ZDHHC20: variants seen among roughly 807,000 people sequenced by gnomAD.
ZDHHC20 encodes the protein zDHHC palmitoyltransferase 20.
ZDHHC20 carries 43 observed loss-of-function variants against 57.8 expected under a neutral mutation model. That is an observed-to-expected ratio of 0.74 (90% CI 0.58 to 0.96). The LOEUF (loss-of-function observed/expected upper bound fraction) is 0.96, where lower values mean the gene tolerates loss of function less well. ZDHHC20 is among the 40% of genes least tolerant of loss of function. ZDHHC20 has a pLI of 0.00. For synonymous variants in ZDHHC20, 157 were observed against 153.0 expected (o/e 1.03, Z -0.19); for missense variants, 391 against 441.1 (o/e 0.89, Z 1.02).
intron 7 of ZDHHC20, among the ~76,000 whole-genome samples, chr13:21,393,173 ATTTCT>A (rs1262282278): frequency 1.3e-5 from 2 of 148,598 alleles, no homozygotes; most frequent in Admixed American, 6.7e-5. Context: ...GTTCAAGCAC[ATTTCT>A]TTTCTTTTTT....
At chr13:21,387,834 A>G (rs1485112200) in intron 8 of ZDHHC20, among the ~76,000 whole-genome samples, 200 bp from the exon 9 acceptor site, 2 of 152,244 alleles carry the variant, frequency 1.3e-5, no homozygotes, top group East Asian at 3.8e-4. Flanking sequence ...ATATTTCATC[A>G]ACCTTATAAA....
chr13:21,443,525 T>A (rs1406252444), intron 1 of ZDHHC20, among the ~76,000 whole-genome samples: 1 of 152,212 alleles, frequency 6.6e-6, no homozygotes, highest in South Asian at 2.1e-4. Flanking sequence ...AGCTATGCCA[T>A]AGGCCCAGGT....
Position 21,374,672 on chromosome 13 carries a change from G to A in ZDHHC20, c.*2024C>T. On this transcript the variant is annotated 3_prime_UTR_variant, in exon 13 of 13. Transcript: ENST00000400590. The stretch of plus-strand genomic sequence containing the variant: ...CTAACTCATTCCTTTGGTTCAAAAA[G>A]AAAAAAAGTTGCCTCCTTTTAAAAT... The A allele has an allele frequency of 8.6e-6, 2 of 231,526 alleles. No individual in the cohort carries two copies. The highest frequency in any genetic ancestry group is 1.8e-5 in the Non-Finnish European group (2 of 112,604). 14.3% of individuals were successfully genotyped at this position (231,526 alleles called of 1,614,324 possible). A position where few individuals can be genotyped will look rare whatever the true frequency, so the allele number is the denominator to read the frequency against.
intron 12 of ZDHHC20, chr13:21,377,874 C>A (rs769555618): frequency 6.6e-6 from 1 of 152,502 alleles, no homozygotes; most frequent in South Asian, 2.1e-4. Flanking sequence ...ATGATAAATG[C>A]GATAAGCTCC....
chr13:21,393,594 A>G (rs1312514185), intron 7 of ZDHHC20, among the ~76,000 whole-genome samples: 1 of 149,794 alleles, frequency 6.7e-6, no homozygotes, highest in Non-Finnish European at 1.5e-5. Context: ...AATCCCAGCT[A>G]CTTGGGAGGC....
intron 1 of ZDHHC20, among the ~76,000 whole-genome samples, chr13:21,455,915 A>G (rs1165444384): frequency 6.6e-6 from 1 of 152,186 alleles, no homozygotes; most frequent in Non-Finnish European, 1.5e-5. Context: ...TTAATTGTAT[A>G]GTGGTTAACA....
chr13:21,378,476 G>A (rs533132887), intron 12 of ZDHHC20, among the ~76,000 whole-genome samples, 185 bp downstream of exon 12: 7 of 152,156 alleles, frequency 4.6e-5, no homozygotes, highest in East Asian at 1.9e-4. Flanking sequence ...TAATTACTAA[G>A]ATTATTCTAT....
chr13:21,384,457 C>CAAAAA (rs11358320), intron 9 of ZDHHC20, among the ~76,000 whole-genome samples: 4 of 76,134 alleles, frequency 5.3e-5, no homozygotes, highest in Admixed American at 1.8e-4. Context: ...ACTCTATCTC[C>CAAAAA]AAAAAAAAAA....
At chr13:21,436,141 C>T (rs1326578281) in intron 1 of ZDHHC20, among the ~76,000 whole-genome samples, 8 of 152,154 alleles carry the variant, frequency 5.3e-5, no homozygotes, top group African/African-American at 2.4e-5. Context: ...AAAAGGAATC[C>T]GTGTGATGTG....
intron 10 of ZDHHC20, chr13:21,381,811 T>C (rs1873469162): frequency 1.8e-6 from 1 of 556,572 alleles, no homozygotes; most frequent in Non-Finnish European, 3.3e-6. Context: ...CAGAGGCCAG[T>C]CTGAAATGTT....
At chr13:21,457,082 T>A (rs1884989114) in intron 1 of ZDHHC20, among the ~76,000 whole-genome samples, 1 of 152,218 alleles carries the variant, frequency 6.6e-6, no homozygotes, top group African/African-American at 2.4e-5. Flanking sequence ...AAATGTCCCC[T>A]CTATGCCCAC....
chr13:21,399,673 C>G (rs913394550), intron 7 of ZDHHC20, among the ~76,000 whole-genome samples: 2 of 152,020 alleles, frequency 1.3e-5, no homozygotes, highest in Non-Finnish European at 2.9e-5. Flanking sequence ...CAGAGGCAAC[C>G]AGTTAAGAAT....
chr13:21,429,762 C>T (rs1881701742), intron 1 of ZDHHC20, among the ~76,000 whole-genome samples: 1 of 152,176 alleles, frequency 6.6e-6, no homozygotes, highest in African/African-American at 2.4e-5. Flanking sequence ...CCACAAGTCC[C>T]TGATGATTTG....
chr13:21,385,878 A>G (rs965702476), intron 9 of ZDHHC20, among the ~76,000 whole-genome samples: 7 of 152,246 alleles, frequency 4.6e-5, no homozygotes, highest in African/African-American at 1.7e-4. Context: ...ATAGTAATTT[A>G]CAAACAATGA....
At chr13:21,405,726 A>C (rs1878347436) in intron 4 of ZDHHC20, among the ~76,000 whole-genome samples, 1 of 152,242 alleles carries the variant, frequency 6.6e-6, no homozygotes, top group African/African-American at 2.4e-5. Flanking sequence ...ACTATCGCTT[A>C]AAATTATTTA....
intron 7 of ZDHHC20, among the ~76,000 whole-genome samples, chr13:21,393,908 AAAAC>A (rs899944570): frequency 6.6e-6 from 1 of 152,094 alleles, no homozygotes; most frequent in Admixed American, 6.6e-5. Context: ...GCCAATATTG[AAAAC>A]AAACAAACAA....
chr13:21,442,523 G>A (rs909141414), intron 1 of ZDHHC20, among the ~76,000 whole-genome samples: 7 of 152,230 alleles, frequency 4.6e-5, no homozygotes, highest in Non-Finnish European at 1.0e-4. Flanking sequence ...GGGAGGCCAA[G>A]GCGGGTGGAT....
chr13:21,392,777 A>T (rs1294420022), intron 7 of ZDHHC20, among the ~76,000 whole-genome samples: 1 of 152,234 alleles, frequency 6.6e-6, no homozygotes, highest in Non-Finnish European at 1.5e-5. Flanking sequence ...GAAGACTATT[A>T]GCATTAGGTT....
At position 21,376,639 on chromosome 13, in the gene ZDHHC20, A is replaced by G; in HGVS notation, c.*57T>C. ...AAATGAAAATTGAAAATACCAGTCT[A>G]TAATGTTTTCATACACCTACAAAAA... On this transcript the variant is annotated 3_prime_UTR_variant, in exon 13 of 13. Transcript: ENST00000400590. 1 of 1,407,426 alleles carries G rather than the reference A, an allele frequency of 7.1e-7. No individual in the cohort carries two copies. The highest frequency in any genetic ancestry group is 1.4e-5 in the South Asian group (1 of 73,356). The allele number at this position is 1,407,426 out of a possible 1,614,324, so 87.2% of individuals were successfully genotyped here.
Sources: allele counts gnomAD v4.1 joint callset (sites outside exome capture counted in the v4.1 genomes callset), GRCh38; gene constraint gnomAD v4.1.1; transcripts MANE v1.5; gene names NCBI Gene and HGNC (gene_info 2026-07-23, HGNC 2026-07-21).